The following YWHAZ variants were observed in gnomAD, a reference collection of about 807,000 sequenced individuals.
The protein encoded by YWHAZ is 14-3-3 protein zeta/delta.
For missense variants in YWHAZ, 79 were observed against 284.8 expected (o/e 0.28, Z 5.20); for synonymous variants, 87 against 103.6 (o/e 0.84, Z 0.97).
intron 2 of YWHAZ, among the ~76,000 whole-genome samples, chr8:100,940,477 T>C (rs1809749228): frequency 6.6e-6 from 1 of 152,236 alleles, no homozygotes; most frequent in Admixed American, 6.5e-5. Context: ...TGCACGTCTA[T>C]TTCCCTCTCC....
intron 1 of YWHAZ, chr8:100,951,459 C>G (rs1810772217): frequency 1.0e-6 from 1 of 976,774 alleles, no homozygotes; most frequent in African/African-American, 1.8e-5. Flanking sequence ...GCCTCACCTG[C>G]GCCACTGCGA....
chr8:100,934,672 C>T (rs1401871794), intron 2 of YWHAZ, among the ~76,000 whole-genome samples: 2 of 152,092 alleles, frequency 1.3e-5, no homozygotes, highest in Admixed American at 6.5e-5. Flanking sequence ...GGCGATAGGG[C>T]GAGACTGTCT....
In YWHAZ at chr8:100,920,221, T is replaced by C. The variant is rs1211502371; in HGVS notation, c.*472A>G. On this transcript the variant is annotated 3_prime_UTR_variant, in exon 6 of 6. Coordinates refer to ENST00000395958, the MANE Select transcript of YWHAZ (RefSeq NM_145690.3). ...TATTCCACAGATATACATGGTTTAA[T>C]ATGTGGTATCCATGGGGTATGATTC... The C allele has an allele frequency of 1.2e-5, 2 of 160,450 alleles. No homozygotes were observed. The highest frequency in any genetic ancestry group is 2.7e-5 in the Non-Finnish European group (2 of 72,874). The allele number at this position is 160,450 out of a possible 1,614,324, so 9.9% of individuals were successfully genotyped here. A position where few individuals can be genotyped will look rare whatever the true frequency, so the allele number is the denominator to read the frequency against.
At chr8:100,937,937 C>T (rs1001772960) in intron 2 of YWHAZ, among the ~76,000 whole-genome samples, 1 of 152,148 alleles carries the variant, frequency 6.6e-6, no homozygotes. Context: ...TCGAGACCAG[C>T]CTGACCAACA....
chr8:100,950,566 T>G, intron 1 of YWHAZ: 1 of 985,422 alleles, frequency 1.0e-6, no homozygotes, highest in Non-Finnish European at 1.2e-6. Flanking sequence ...ATGGCGGATC[T>G]GTGTCAGGGA....
rs928921075 is a variant in YWHAZ at position 100,917,291 on chromosome 8, A to G, written c.*3402T>C. The G allele has an allele frequency of 6.6e-6, 1 of 152,062 alleles. No homozygotes were observed. The highest frequency in any genetic ancestry group is 1.5e-5 in the Non-Finnish European group (1 of 68,020). The allele number at this position is 152,062 out of a possible 1,614,324, so 9.4% of individuals were successfully genotyped here. A position where few individuals can be genotyped will look rare whatever the true frequency, so the allele number is the denominator to read the frequency against. On this transcript the variant is annotated 3_prime_UTR_variant, in exon 6 of 6. Coordinates refer to ENST00000395958, the MANE Select transcript of YWHAZ (RefSeq NM_145690.3). The stretch of plus-strand genomic sequence containing the variant: ...CTTTCTCTTTCTCCCCCCACCCCCT[A>G]TAACAGCATGAAGTAACAGCTGTTA...
At chr8:100,920,779 G>GC (rs769014025) in intron 5 of YWHAZ, 27 bp from the exon 6 acceptor site, 1 of 523,260 alleles carries the variant, frequency 1.9e-6, no homozygotes, top group Non-Finnish European at 3.3e-6. Context: ...AGATTTTTCA[G>GC]CAAGTTTCAG....
rs1586160818 is a variant in YWHAZ at position 100,948,306 on chromosome 8, A to G, written c.294+290T>C. ...TACTACAAATATTCTAACCATAAGTAAAACAGTAACACAATTAGTTTATAT... is the reference window on the plus strand; with the variant it reads ...TACTACAAATATTCTAACCATAAGTGAAACAGTAACACAATTAGTTTATAT... On this transcript the variant is annotated intron_variant, in intron 2 of 5. Transcript: ENST00000395958. The surrounding 1 kb of genome is among the most constrained non-coding windows in gnomAD (Gnocchi z 4.2). 1.5e-6 allele frequency: 1 copy of G among 646,922 alleles called. No individual in the cohort carries two copies. 40.1% of individuals were successfully genotyped at this position (646,922 alleles called of 1,614,324 possible). A position where few individuals can be genotyped will look rare whatever the true frequency, so the allele number is the denominator to read the frequency against.
chr8:100,951,116 C>A, intron 1 of YWHAZ: 7 of 910,652 alleles, frequency 7.7e-6, no homozygotes, highest in Middle Eastern at 5.7e-4. Flanking sequence ...AAATTCAAGT[C>A]CTTCCTCCCA....
intron 2 of YWHAZ, among the ~76,000 whole-genome samples, chr8:100,945,858 T>C (rs1339558960): frequency 6.6e-6 from 1 of 152,096 alleles, no homozygotes; most frequent in Non-Finnish European, 1.5e-5. Flanking sequence ...CTATGCTCTT[T>C]CTCTAAAGAA....
intron 2 of YWHAZ, among the ~76,000 whole-genome samples, chr8:100,926,889 AT>A (rs1370436255): frequency 6.6e-6 from 1 of 152,184 alleles, no homozygotes; most frequent in Non-Finnish European, 1.5e-5. Flanking sequence ...AATGACCAGG[AT>A]TTTCAAAAGT....
chr8:100,941,619 T>C (rs932973146), intron 2 of YWHAZ, among the ~76,000 whole-genome samples: 7 of 152,062 alleles, frequency 4.6e-5, no homozygotes, highest in African/African-American at 1.7e-4. Flanking sequence ...ACCCCGTCTC[T>C]ACTAAAAATA....
Position 100,924,962 on chromosome 8 carries a change from A to G in YWHAZ, c.372T>C (p.Asp124=). 1.2e-6 allele frequency: 2 copies of G among 1,613,536 alleles called. No individual in the cohort carries two copies. The stretch of plus-strand genomic sequence containing the variant: ...CAACCTCAGCCAAGTAACGGTAGTA[A>G]TCTCCTTTCATTTTCAAATAGAAGA... ...SKVFYLKMKG[D]YYRYLAEVAA... Residue 124 remains aspartate, a synonymous_variant, in exon 3 of 6, where the codon GAT becomes GAC. Transcript: ENST00000395958. This position sits in a 1 kb window ranked among gnomAD's most constrained non-coding sequence, Gnocchi z 5.7.
chr8:100,952,487 A>G (rs1810875079), upstream of YWHAZ: 1 of 154,456 alleles, frequency 6.5e-6, no homozygotes, highest in Non-Finnish European at 1.4e-5. Flanking sequence ...GCTTTCGCTC[A>G]GCCCGTCTGC....
At chr8:100,928,261 CAG>C (rs781147600) in intron 2 of YWHAZ, among the ~76,000 whole-genome samples, 1 of 149,842 alleles carries the variant, frequency 6.7e-6, no homozygotes, top group Non-Finnish European at 1.5e-5. Context: ...GCCTGGGCAA[CAG>C]AGTGAGACTC....
At chr8:100,945,110 C>A (rs915871679) in intron 2 of YWHAZ, among the ~76,000 whole-genome samples, 1 of 152,168 alleles carries the variant, frequency 6.6e-6, no homozygotes, top group African/African-American at 2.4e-5. Context: ...GCAGGAAAGG[C>A]AGATTGCATT....
upstream of YWHAZ, chr8:100,953,241 A>G: frequency 1.0e-6 from 1 of 985,302 alleles, no homozygotes; most frequent in Non-Finnish European, 1.2e-6. Flanking sequence ...TCACGTGAAG[A>G]CCTCATACTG....
Position 100,948,179 on chromosome 8 carries a change from A to G in YWHAZ, c.294+417T>C, listed in dbSNP as rs1467968265. On this transcript the variant is annotated intron_variant, in intron 2 of 5. Coordinates refer to ENST00000395958, the MANE Select transcript of YWHAZ (RefSeq NM_145690.3). The surrounding 1 kb of genome is among the most constrained non-coding windows in gnomAD (Gnocchi z 4.2). ...CATTATAGCGGCTAATCCTGAGAAG[A>G]GTACTATTTCTACAATGAGTATCCT... is the stretch of plus-strand genomic sequence containing the variant. 6.6e-7 allele frequency: 1 copy of G among 1,510,546 alleles called. No individual in the cohort carries two copies. Among genetic ancestry groups the G allele is most frequent in the African/African-American group, 1.4e-5 (1 of 71,992 alleles). The allele number at this position is 1,510,546 out of a possible 1,614,324, so 93.6% of individuals were successfully genotyped here.
At chr8:100,928,328 G>A (rs1813512836) in intron 2 of YWHAZ, among the ~76,000 whole-genome samples, 1 of 151,828 alleles carries the variant, frequency 6.6e-6, no homozygotes, top group Non-Finnish European at 1.5e-5. Context: ...CTAATAAATC[G>A]TCCAATGACA....
Sources: gnomAD v4.1 joint callset for allele counts (sites outside exome capture counted in the v4.1 genomes callset) on GRCh38, gnomAD v4.1.1 for gene constraint, Gnocchi (gnomAD v3.1) non-coding constraint, MANE v1.5 for transcripts, NCBI Gene and HGNC (gene_info 2026-07-23, HGNC 2026-07-21) for gene names.